CDK5RAP1: variants seen among roughly 807,000 people sequenced by gnomAD.
The protein encoded by CDK5RAP1 is CDK5RAP1 mitochondrial tRNA methylthiotransferase, also known as mitochondrial tRNA methylthiotransferase CDK5RAP1.
CDK5RAP1 carries 62 observed loss-of-function variants against 64.5 expected under a neutral mutation model. The ratio of observed to expected loss-of-function variants is 0.96; its 90% CI spans 0.78 to 1.19. CDK5RAP1 has a LOEUF of 1.19. Among genes scored for constraint, CDK5RAP1 ranks in the 50% most tolerant of loss-of-function variants. CDK5RAP1 has a pLI of 0.00. For missense variants in CDK5RAP1, 657 were observed against 735.0 expected (o/e 0.89, Z 1.23); for synonymous variants, 250 against 261.9 (o/e 0.95, Z 0.44).
At chr20:33,372,873 T>A (rs1041941364) in intron 9 of CDK5RAP1, 176 bp from the exon 10 acceptor site, 2 of 458,914 alleles carry the variant, frequency 4.4e-6, no homozygotes, top group South Asian at 8.0e-5. Flanking sequence ...TATCTTCTAA[T>A]CTAATCTAGA....
chr20:33,393,578 T>C (rs1204074511), intron 4 of CDK5RAP1, among the ~76,000 whole-genome samples: 1 of 152,070 alleles, frequency 6.6e-6, no homozygotes, highest in Non-Finnish European at 1.5e-5. Context: ...CACTAGCATG[T>C]CTTGAACACA....
Position 33,396,771 on chromosome 20 carries a change from C to T in CDK5RAP1, c.294G>A (p.Arg98=). Residue 98 remains arginine, a synonymous_variant, in exon 2 of 14, where the codon AGG becomes AGA. Transcript: ENST00000346416. ...PYLMMDELLG[R]QRKVYLETYG... ...CGAAGTAAAACCAACCTTTTCTCTGCCTTCCAAGAAGTTCATCCATCATGA... is the reference window on the plus strand; with the variant it reads ...CGAAGTAAAACCAACCTTTTCTCTGTCTTCCAAGAAGTTCATCCATCATGA... 1 of 1,612,070 alleles carries T rather than the reference C, an allele frequency of 6.2e-7. No homozygotes were observed.
At chr20:33,393,330 T>G (rs1988541104) in intron 4 of CDK5RAP1, among the ~76,000 whole-genome samples, 1 of 152,110 alleles carries the variant, frequency 6.6e-6, no homozygotes, top group Non-Finnish European at 1.5e-5. Context: ...TGTGACCTAC[T>G]ACACCCAGCC....
chr20:33,374,474 G>T (rs1985650341), intron 8 of CDK5RAP1, among the ~76,000 whole-genome samples: 2 of 151,446 alleles, frequency 1.3e-5, no homozygotes, highest in Non-Finnish European at 2.9e-5. Context: ...AGCCATGGGA[G>T]CTGAATACAG....
At position 33,366,870 on chromosome 20, in the gene CDK5RAP1, G is replaced by A; in HGVS notation, c.1531C>T (p.Leu511=). The A allele has an allele frequency of 6.2e-7, 1 of 1,613,198 alleles. No individual in the cohort carries two copies. The highest frequency in any genetic ancestry group is 8.5e-7 in the Non-Finnish European group (1 of 1,179,740). ...ACATATGGCCTCACCCCTTCCACTA[G>A]CACCAACTGGGTACAGCCCACAGAG... ...QTSVGCTQLV[L]VEGLSKRSAT... Residue 511 remains leucine, a synonymous_variant, in exon 12 of 14, where the codon CTA becomes TTA. Transcript: ENST00000346416.
chr20:33,369,841 G>A (rs1266285061), intron 11 of CDK5RAP1, among the ~76,000 whole-genome samples: 1 of 152,136 alleles, frequency 6.6e-6, no homozygotes. Context: ...CAGCTTTTCT[G>A]AGCCCCCTGG....
At chr20:33,359,228 G>A (rs1163856469) in intron 13 of CDK5RAP1, 105 bp from the exon 14 acceptor site, 3 of 816,462 alleles carry the variant, frequency 3.7e-6, no homozygotes, top group Non-Finnish European at 6.1e-6. Flanking sequence ...TCTGATGGAG[G>A]CGACCGGCTG....
rs995701256 is a variant in CDK5RAP1 at position 33,396,876 on chromosome 20, C to T, written c.189G>A (p.Pro63=). The T allele has an allele frequency of 4.3e-6, 7 of 1,613,982 alleles. No individual in the cohort carries two copies. Among genetic ancestry groups the T allele is most frequent in the Non-Finnish European group, 5.1e-6 (6 of 1,180,002 alleles). The change falls in exon 2 of 14, where the codon CCG becomes CCA. Residue 63 remains proline, a synonymous_variant. Transcript: ENST00000346416. ...CACTTTTTAAAAAATGTTGAAAAGT[C>T]GGTCCAGCAGCCAGCCTGGAGCTGA... ...KDFSSRLAAG[P]TFQHFLKSAS...
chr20:33,375,401 CAAAAA>C (rs200212971), intron 8 of CDK5RAP1, among the ~76,000 whole-genome samples: 3 of 57,460 alleles, frequency 5.2e-5, no homozygotes, highest in Non-Finnish European at 1.2e-4. Context: ...GACTCCATCT[CAAAAA>C]AAAAAAAAAA....
chr20:33,375,019 A>G (rs1485676544), intron 8 of CDK5RAP1, among the ~76,000 whole-genome samples: 1 of 151,788 alleles, frequency 6.6e-6, no homozygotes, highest in African/African-American at 2.4e-5. Flanking sequence ...AATTTTTAAA[A>G]GAAGAAAAAA....
At position 33,396,991 on chromosome 20, in the gene CDK5RAP1, A is replaced by T; in HGVS notation, c.74T>A (p.Leu25Gln). The T allele has an allele frequency of 6.2e-7, 1 of 1,614,198 alleles. No individual in the cohort carries two copies. Among genetic ancestry groups the T allele is most frequent in the South Asian group, 1.1e-5 (1 of 91,088 alleles). Residue 25 changes from leucine (L) to glutamine (Q), a missense_variant, in exon 2 of 14, where the codon CTG (leucine) becomes CAG (glutamine). Coordinates refer to ENST00000346416, the MANE Select transcript of CDK5RAP1 (RefSeq NM_016408.4). ...GTGTGCCCTGCACATCCTCAGCGAC[A>T]GCCAAGACACAGAGGCCAATGGTCC... ...GWGPLASVSW[L>Q]SLRMCRAHSS... is the part of the protein sequence containing the mutation.
intron 10 of CDK5RAP1, among the ~76,000 whole-genome samples, chr20:33,371,271 G>A (rs946833237): frequency 5.9e-5 from 9 of 152,230 alleles, no homozygotes; most frequent in African/African-American, 1.9e-4. Context: ...TCCAGCCTGG[G>A]CGACAGAATG....
intron 6 of CDK5RAP1, 120 bp from the exon 7 acceptor site, chr20:33,385,890 C>T: frequency 1.2e-6 from 1 of 859,198 alleles, no homozygotes; most frequent in Non-Finnish European, 1.8e-6. Flanking sequence ...CCACAATGCT[C>T]ACACTGGACC....
chr20:33,396,464 C>T (rs546571722), intron 2 of CDK5RAP1, among the ~76,000 whole-genome samples: 1 of 152,256 alleles, frequency 6.6e-6, no homozygotes, highest in South Asian at 2.1e-4. Context: ...TCATACCTGG[C>T]TAATTTTTTA....
At chr20:33,369,407 C>G (rs1436128532) in intron 11 of CDK5RAP1, among the ~76,000 whole-genome samples, 1 of 151,720 alleles carries the variant, frequency 6.6e-6, no homozygotes, top group Non-Finnish European at 1.5e-5. Flanking sequence ...GGCATGAACC[C>G]GGGAGGCAGA....
rs291700 is a variant in CDK5RAP1 at position 33,394,043 on chromosome 20, T to C, written c.432A>G (p.Thr144=). 1,056,348 of 1,587,612 alleles carry C rather than the reference T, an allele frequency of 0.67. 354,286 individuals are homozygous for C. Among genetic ancestry groups the C allele is most frequent in the South Asian group, 0.69 (62,426 of 90,542 alleles). Residue 144 remains threonine (T), a synonymous_variant, in exon 4 of 14, where the codon ACA becomes ACG. Transcript: ENST00000346416. ...GAACAAATTCGCACCTGATAGAGCA[T>C]GTGACAAGGAGAATCACATCTGCCT... The part of the protein sequence containing the change: ...LQEADVILLV[T]CSIREKAEQT...
At chr20:33,372,973 C>T (rs574942565) in intron 9 of CDK5RAP1, 97 of 254,648 alleles carry the variant, frequency 3.8e-4, no homozygotes, top group African/African-American at 2.1e-3. Context: ...AGTGCAATGG[C>T]ACAATCTCGG....
In CDK5RAP1 at chr20:33,395,057, T is replaced by C; in HGVS notation, c.364A>G (p.Ile122Val). 2.5e-6 allele frequency: 4 copies of C among 1,613,718 alleles called. No homozygotes were observed. The highest frequency in any genetic ancestry group is 2.2e-5 in the South Asian group (2 of 91,072). Residue 122 changes from isoleucine to valine, a missense_variant, in exon 3 of 14, where the codon ATC becomes GTC. Transcript: ENST00000346416. ...CGCAGGTAGCCACTCTTCTGTAAGA[T>C]GGACCAGGCTATCTCTGTGTCATTC... ...NVNDTEIAWS[I>V]LQKSGYLRTS... is the part of the protein sequence containing the mutation.
At chr20:33,380,788 G>A (rs6088202) in intron 7 of CDK5RAP1, among the ~76,000 whole-genome samples, 4 of 152,096 alleles carry the variant, frequency 2.6e-5, no homozygotes, top group Admixed American at 1.3e-4. Flanking sequence ...CGGATCACAC[G>A]GTCAGGAGTT....
Sources: allele counts gnomAD v4.1 joint callset (sites outside exome capture counted in the v4.1 genomes callset), GRCh38; gene constraint gnomAD v4.1.1; transcripts MANE v1.5; gene names NCBI Gene and HGNC (gene_info 2026-07-23, HGNC 2026-07-21).